NCOR2: variants seen among roughly 807,000 people sequenced by gnomAD.
NCOR2 encodes CTG repeat protein 26.
NCOR2 carries 81 observed loss-of-function variants against 262.9 expected under a neutral mutation model. The observed-to-expected ratio is 0.31, with a 90% CI of 0.26 to 0.37. The LOEUF (loss-of-function observed/expected upper bound fraction) is 0.37, where lower values mean the gene tolerates loss of function less well. Among genes scored for constraint, NCOR2 ranks in the 10% least tolerant of loss-of-function variants. NCOR2 has a pLI of 1.00. For missense variants in NCOR2, 3,385 were observed against 3,621.4 expected, an observed-to-expected ratio of 0.93 and a Z score of 1.68; for synonymous variants, 1,659 against 1,559.3, an observed-to-expected ratio of 1.06 and a Z score of -1.51.
At chr12:124,469,959 A>G (rs1273723831) in intron 4 of NCOR2, among the ~76,000 whole-genome samples, 4 of 152,338 alleles carry the variant, frequency 2.6e-5, no homozygotes, top group Middle Eastern at 3.4e-3. Flanking sequence ...CAAGACCAGC[A>G]GTTTGAGACC....
At chr12:124,556,553 T>A (rs1183594878) in intron 1 of NCOR2, 1 of 151,840 alleles carries the variant, frequency 6.6e-6, no homozygotes, top group African/African-American at 2.4e-5. Flanking sequence ...GGGGAGAGGG[T>A]GCAATTTTCA....
chr12:124,530,500 A>G (rs2050720645), intron 1 of NCOR2, among the ~76,000 whole-genome samples: 1 of 152,212 alleles, frequency 6.6e-6, no homozygotes, highest in Admixed American at 6.5e-5. Context: ...AGAGATGCAT[A>G]TATTAACACT....
chr12:124,402,350 C>A, intron 14 of NCOR2, 54 bp downstream of exon 16: 1 of 1,605,702 alleles, frequency 6.2e-7, no homozygotes, highest in Non-Finnish European at 8.5e-7. Flanking sequence ...GAACCGTGTG[C>A]CACCCGGGTT....
intron 18 of NCOR2, among the ~76,000 whole-genome samples, chr12:124,376,635 T>A (rs1006717947): frequency 2.0e-5 from 3 of 151,574 alleles, no homozygotes; most frequent in African/African-American, 7.3e-5. Context: ...TTGAGATGAG[T>A]CACCCAAGGG....
At chr12:124,436,731 A>G (rs1442571936) in intron 8 of NCOR2, among the ~76,000 whole-genome samples, 1 of 151,954 alleles carries the variant, frequency 6.6e-6, no homozygotes, top group Non-Finnish European at 1.5e-5. Flanking sequence ...TCCGGCTCCC[A>G]CCTGCTATGG....
In NCOR2 at chr12:124,504,740, A is replaced by C. The variant is rs959281208; in HGVS notation, c.-117-9372T>G. Among the ~76,000 whole-genome samples the C allele has an allele frequency of 2.6e-5, 4 of 152,248 alleles. No homozygotes were observed. The highest frequency in any genetic ancestry group is 4.4e-5 in the Non-Finnish European group (3 of 68,034). The stretch of plus-strand genomic sequence containing the variant: ...CGCTGACTCAGCCACAACGCAGGTG[A>C]GCCCTGAAGACATGGCACAAAAGGC... On this transcript the variant is annotated intron_variant, in intron 1 of 46. Coordinates refer to the NCOR2 transcript ENST00000404621. This position sits in a 1 kb window ranked among gnomAD's most constrained non-coding sequence, Gnocchi z 4.5.
At chr12:124,542,316 G>T (rs1228575181) in intron 1 of NCOR2, among the ~76,000 whole-genome samples, 2 of 152,198 alleles carry the variant, frequency 1.3e-5, no homozygotes, top group Non-Finnish European at 2.9e-5. Flanking sequence ...TCTCAGCCCA[G>T]CCTCCCCTGA....
At chr12:124,340,409 C>A in exon 36 of NCOR2, 2 of 1,613,024 alleles carry the variant, frequency 1.2e-6, no homozygotes, top group Non-Finnish European at 8.5e-7. Context: ...CGGACGAGGA[C>A]GTGGTGGTTG....
intron 19 of NCOR2, among the ~76,000 whole-genome samples, chr12:124,373,632 C>T (rs1438088551): frequency 7.5e-6 from 1 of 133,424 alleles, no homozygotes; most frequent in Non-Finnish European, 1.6e-5. Flanking sequence ...GAGGCCAGTG[C>T]GTGCGCAGGG....
At position 124,398,932 on chromosome 12, in the gene NCOR2, C is replaced by G. The variant is rs373502873; in HGVS notation, c.1814-751G>C. Among the ~76,000 whole-genome samples, 10 of 152,324 alleles carry G rather than the reference C, an allele frequency of 6.6e-5. No individual in the cohort carries two copies. In the South Asian group the frequency reaches 2.1e-3, roughly 32 times the overall value. On this transcript the variant is annotated intron_variant, in intron 15 of 46. Transcript: ENST00000405201. ...GGAGGTGGCTGCATCTCTGCAGTGGCACTATTTTTGGGTCTGTCTGCCGAG... is the reference window on the plus strand; with the variant it reads ...GGAGGTGGCTGCATCTCTGCAGTGGGACTATTTTTGGGTCTGTCTGCCGAG...
intron 40 of NCOR2, 46 bp from the exon 43 acceptor site, chr12:124,334,663 C>A: frequency 9.2e-7 from 1 of 1,083,438 alleles, no homozygotes. Flanking sequence ...ACTCTCCTGA[C>A]AGAACCTTCT....
chr12:124,538,800 C>G (rs1285624259), upstream of NCOR2: 1 of 152,348 alleles, frequency 6.6e-6, no homozygotes, highest in Non-Finnish European at 1.5e-5. Context: ...TCAAGAGGCC[C>G]GCTCCTCCTC....
At position 124,402,281 on chromosome 12, in the gene NCOR2, TC is replaced by T. The variant is rs1054468588; in HGVS notation, c.1640+122del. On this transcript the variant is annotated intron_variant, in intron 14 of 46. Coordinates refer to ENST00000405201, the Ensembl canonical transcript of NCOR2. ...TCAGGGGCAAACGAGCAGAAAGCCC[TC>T]CCCCCTGCTCACAGGCAATTGGTGG... 12 of 1,521,278 alleles carry T rather than the reference TC, an allele frequency of 7.9e-6. No homozygotes were observed. In the African/African-American group the frequency reaches 1.1e-4, roughly 14 times the overall value. 94.2% of individuals were successfully genotyped at this position (1,521,278 alleles called of 1,614,324 possible).
intron 4 of NCOR2, among the ~76,000 whole-genome samples, chr12:124,471,768 T>C (rs1416551578): frequency 6.6e-6 from 1 of 152,246 alleles, no homozygotes; most frequent in Non-Finnish European, 1.5e-5. Flanking sequence ...GGTCTCGCTA[T>C]GTTGCCCACG....
At position 124,350,642 on chromosome 12, in the gene NCOR2, C is replaced by G. The variant is rs754412148; in HGVS notation, c.3789G>C (p.Leu1263=). Residue 1263 remains leucine, a synonymous_variant, in exon 28 of 47, where the codon CTG becomes CTC. Transcript: ENST00000405201. The stretch of plus-strand genomic sequence containing the variant: ...CTTCGTAGATGACGTGGCCCTTGGG[C>G]AGGCTGTCCTCCCGGCCGCGGTCCA... 4 of 1,613,976 alleles carry G rather than the reference C, an allele frequency of 2.5e-6. No homozygotes were observed. In the South Asian group the frequency reaches 3.3e-5, roughly 13 times the overall value.
chr12:124,394,448 C>G (rs1276667557), intron 16 of NCOR2, among the ~76,000 whole-genome samples: 1 of 136,962 alleles, frequency 7.3e-6, no homozygotes, highest in African/African-American at 2.5e-5. Flanking sequence ...TGGAGAGCAT[C>G]CCCCCAACAT....
exon 45 of NCOR2, chr12:124,327,475 T>C (rs760736813): frequency 1.2e-6 from 2 of 1,613,390 alleles, no homozygotes; most frequent in Non-Finnish European, 1.7e-6. Flanking sequence ...GCGGGCAGGC[T>C]GGCACTGGCA....
At chr12:124,353,391 T>A (rs1376135031) in intron 27 of NCOR2, among the ~76,000 whole-genome samples, 1 of 152,234 alleles carries the variant, frequency 6.6e-6, no homozygotes, top group African/African-American at 2.4e-5. Context: ...AACCTGCAGA[T>A]TTCAGAGAAG....
At chr12:124,564,691 C>T (rs1391486527) in intron 1 of NCOR2, among the ~76,000 whole-genome samples, 1 of 152,076 alleles carries the variant, frequency 6.6e-6, no homozygotes, top group Non-Finnish European at 1.5e-5. Context: ...TGCGTAGGTA[C>T]CACCCCCGCC....
Sources: allele counts gnomAD v4.1 joint callset (sites outside exome capture counted in the v4.1 genomes callset), GRCh38; gene constraint gnomAD v4.1.1; non-coding constraint Gnocchi (gnomAD v3.1); transcripts MANE v1.5; gene names NCBI Gene and HGNC (gene_info 2026-07-23, HGNC 2026-07-21).